Variants in LRP2 observed in about 807,000 individuals in gnomAD.
LRP2 encodes LDL receptor related protein 2.
Under a neutral mutation model 531.0 loss-of-function variants are expected in LRP2, and 172 were observed. That is an observed-to-expected ratio of 0.32 (90% CI 0.29 to 0.37). LRP2 has a LOEUF of 0.37. LRP2 is among the 10% of genes least tolerant of loss of function. The pLI is 1.00. For synonymous variants in LRP2, 1,992 were observed against 2,027.6 expected (o/e 0.98, Z 0.47); for missense variants, 5,167 against 5,868.3 (o/e 0.88, Z 3.90).
At position 169,162,417 on chromosome 2, in the gene LRP2, T is replaced by C. The variant is rs554175525; in HGVS notation, c.11887+55A>G. The C allele has an allele frequency of 2.4e-5, 39 of 1,601,516 alleles. No individual in the cohort carries two copies. The African/African-American group carries it at 4.0e-4, about 16-fold the overall frequency. ...GTCTACATTATGTTATTGCATGTTT[T>C]AATTAGGTAAACCTGAGTTACTACA... On this transcript the variant is annotated intron_variant, in intron 63 of 78. Transcript: ENST00000649046.
In LRP2 at chr2:169,266,659, G is replaced by T. The variant is rs1332835037; in HGVS notation, c.2320+4245C>A. Among the ~76,000 whole-genome samples, 4 of 152,016 alleles carry T rather than the reference G, an allele frequency of 2.6e-5. No homozygotes were observed. In the East Asian group the frequency reaches 7.7e-4, roughly 29 times the overall value. ...TGTAGCTCCTAAGCTGGCTCTCTTA[G>T]TTGGTATGTTATATTGCTTACAAAT... On this transcript the variant is annotated intron_variant, in intron 16 of 78. Transcript: ENST00000649046.
At chr2:169,315,355 C>G (rs1684730382) in intron 3 of LRP2, among the ~76,000 whole-genome samples, 1 of 152,156 alleles carries the variant, frequency 6.6e-6, no homozygotes, top group Non-Finnish European at 1.5e-5. Context: ...AACCATCAAT[C>G]CAGGAACTTA....
chr2:169,320,140 G>A lies in LRP2; in HGVS notation c.187+637C>T, dbSNP rs114594468. On this transcript the variant is annotated intron_variant, in intron 2 of 78. Coordinates refer to ENST00000649046, the MANE Select transcript of LRP2 (RefSeq NM_004525.3). ...CTTTAATAAATGACTTAACTTCTCC[G>A]AGTCTCAATTTACTAATCTGAAACC... Among the ~76,000 whole-genome samples the A allele has an allele frequency of 4.9e-3, 740 of 152,234 alleles. 4 individuals carry two copies. The highest frequency in any genetic ancestry group is 0.017 in the African/African-American group (710 of 41,564).
chr2:169,233,004 C>A (rs772094627), intron 30 of LRP2, among the ~76,000 whole-genome samples: 1 of 152,200 alleles, frequency 6.6e-6, no homozygotes, highest in Non-Finnish European at 1.5e-5. Flanking sequence ...GTGCTGGCTA[C>A]AGCAGAGCAC....
intron 50 of LRP2, among the ~76,000 whole-genome samples, chr2:169,184,295 G>A (rs542037705): frequency 6.6e-6 from 1 of 152,270 alleles, no homozygotes; most frequent in Admixed American, 6.5e-5. Context: ...ACATACAATA[G>A]GAATGCTTAG....
chr2:169,187,313 G>T (rs1327505464), intron 49 of LRP2, among the ~76,000 whole-genome samples: 1 of 152,018 alleles, frequency 6.6e-6, no homozygotes, highest in Non-Finnish European at 1.5e-5. Context: ...GGTCAATTAG[G>T]CAAATGCTTT....
At chr2:169,281,276 G>C (rs1683697062) in intron 10 of LRP2, among the ~76,000 whole-genome samples, 1 of 152,150 alleles carries the variant, frequency 6.6e-6, no homozygotes, top group African/African-American at 2.4e-5. Context: ...ACAAAAATTA[G>C]CTGGGCATGG....
chr2:169,156,964 C>T (rs1686353790), intron 64 of LRP2, among the ~76,000 whole-genome samples: 1 of 152,174 alleles, frequency 6.6e-6, no homozygotes, highest in Non-Finnish European at 1.5e-5. Context: ...GACTCCATAC[C>T]TTACAACTCA....
chr2:169,215,759 TATAG>T (rs924757243), intron 35 of LRP2, among the ~76,000 whole-genome samples: 8 of 147,624 alleles, frequency 5.4e-5, no homozygotes, highest in Admixed American at 1.4e-4. Flanking sequence ...ATAGATCATA[TATAG>T]AATCTATATA....
chr2:169,199,048 G>A (rs1688099978), intron 44 of LRP2, 137 bp from the exon 45 acceptor site: 1 of 795,960 alleles, frequency 1.3e-6, no homozygotes, highest in African/African-American at 1.7e-5. Flanking sequence ...AGAAAGGCAG[G>A]ATCCATGATA....
At chr2:169,212,318 A>C in intron 36 of LRP2, 111 bp from the exon 37 acceptor site, 1 of 1,364,350 alleles carries the variant, frequency 7.3e-7, no homozygotes, top group Non-Finnish European at 1.0e-6. Flanking sequence ...TTAATAACCA[A>C]CATATAGTAG....
intron 4 of LRP2, among the ~76,000 whole-genome samples, chr2:169,301,767 T>C (rs1684290613): frequency 6.6e-6 from 1 of 152,058 alleles, no homozygotes; most frequent in South Asian, 2.1e-4. Flanking sequence ...CACCACTCTT[T>C]GTTCTGTAAA....
intron 72 of LRP2, 68 bp from the exon 73 acceptor site, chr2:169,139,678 A>C: frequency 7.4e-7 from 1 of 1,351,178 alleles, no homozygotes; most frequent in Non-Finnish European, 1.1e-6. Context: ...TTTTCTGAGC[A>C]CATCCTGAAG....
chr2:169,138,452 G>T, intron 75 of LRP2, 125 bp downstream of exon 75: 1 of 1,027,950 alleles, frequency 9.7e-7, no homozygotes, highest in Non-Finnish European at 1.5e-6. Context: ...CTTGTGTAGT[G>T]CAGACCTTAT....
intron 34 of LRP2, among the ~76,000 whole-genome samples, chr2:169,219,355 T>C (rs2105351354): frequency 6.6e-6 from 1 of 152,132 alleles, no homozygotes; most frequent in South Asian, 2.1e-4. Context: ...AAAAAAAAAA[T>C]CAGTGTTCAT....
chr2:169,130,049 T>C (rs945426643), intron 77 of LRP2, among the ~76,000 whole-genome samples: 5 of 152,208 alleles, frequency 3.3e-5, no homozygotes, highest in African/African-American at 1.2e-4. Context: ...GAGAACCTGC[T>C]TTGTACATAG....
Position 169,177,988 on chromosome 2 carries a change from T to A in LRP2, c.10208A>T (p.Tyr3403Phe). Residue 3403 changes from tyrosine to phenylalanine, a missense_variant, in exon 53 of 79, where the codon TAT becomes TTT. Transcript: ENST00000649046. ...DLEGHHRHTV[Y>F]DGALPHPFAI... Reference sequence around the variant, plus strand: ...GAAAGGGTGAGGCAGTGCCCCATCATACACCGTGTGTCGATGGTGGCCCTC... The same window carrying A: ...GAAAGGGTGAGGCAGTGCCCCATCAAACACCGTGTGTCGATGGTGGCCCTC... 6.2e-7 allele frequency: 1 copy of A among 1,614,128 alleles called. No homozygotes were observed. The highest frequency in any genetic ancestry group is 8.5e-7 in the Non-Finnish European group (1 of 1,180,018).
intron 16 of LRP2, among the ~76,000 whole-genome samples, chr2:169,269,874 T>A (rs1683352116): frequency 6.6e-6 from 1 of 152,074 alleles, no homozygotes; most frequent in Non-Finnish European, 1.5e-5. Flanking sequence ...AGGGCTAATA[T>A]CCAGAATCTA....
In LRP2 at chr2:169,242,936, T is replaced by G. The variant is rs831041; in HGVS notation, c.3667+20A>C. ...GAAATGACCCCTTTGTCTGAAACAT[T>G]CTGGGTATGTGTTACTTACGACAGC... On this transcript the variant is annotated intron_variant, in intron 24 of 78. Coordinates refer to ENST00000649046, the MANE Select transcript of LRP2 (RefSeq NM_004525.3). 743,657 of 1,543,352 alleles carry G rather than the reference T, an allele frequency of 0.48. 186,756 individuals are homozygous for G. Among genetic ancestry groups the G allele is most frequent in the South Asian group, 0.74 (66,002 of 89,242 alleles).
Sources: allele counts gnomAD v4.1 joint callset (sites outside exome capture counted in the v4.1 genomes callset), GRCh38; gene constraint gnomAD v4.1.1; transcripts MANE v1.5; gene names NCBI Gene and HGNC (gene_info 2026-07-23, HGNC 2026-07-21).